Variants in CDH18 observed in about 807,000 individuals in gnomAD.
The protein encoded by CDH18 is cadherin-18.
A neutral mutation model predicts 67.9 loss-of-function variants in CDH18; 31 were observed. The observed-to-expected ratio is 0.46, with a 90% confidence interval of 0.34 to 0.62. The LOEUF (loss-of-function observed/expected upper bound fraction) is 0.62, where lower values mean the gene tolerates loss of function less well. Among genes scored for constraint, CDH18 ranks in the 20% least tolerant of loss-of-function variants. The pLI is 0.01. For missense variants in CDH18, 890 were observed against 975.5 expected, an observed-to-expected ratio of 0.91 and a Z score of 1.17; for synonymous variants, 362 against 347.2, an observed-to-expected ratio of 1.04 and a Z score of -0.48.
chr5:19,500,074 C>CTT (rs201970719), intron 11 of CDH18, among the ~76,000 whole-genome samples: 1 of 143,622 alleles, frequency 7.0e-6, no homozygotes, highest in Admixed American at 7.0e-5. Context: ...TTTCTTCTAG[C>CTT]TTTTTTTTTT....
At chr5:19,493,042 T>C (rs1741724571) in intron 11 of CDH18, among the ~76,000 whole-genome samples, 1 of 152,174 alleles carries the variant, frequency 6.6e-6, no homozygotes, top group African/African-American at 2.4e-5. Flanking sequence ...TGACGCTGCA[T>C]TCTGTCATCT....
intron 9 of CDH18, among the ~76,000 whole-genome samples, chr5:19,539,188 A>C (rs1424095633): frequency 6.6e-6 from 1 of 152,124 alleles, no homozygotes; most frequent in Non-Finnish European, 1.5e-5. Context: ...ATTAAATTAT[A>C]TTTTAGTAAT....
intron 2 of CDH18, among the ~76,000 whole-genome samples, chr5:20,222,381 C>T (rs1741298098): frequency 6.6e-6 from 1 of 152,000 alleles, no homozygotes; most frequent in African/African-American, 2.4e-5. Flanking sequence ...CTTGTACAGA[C>T]AAGAAAAAAC....
intron 2 of CDH18, among the ~76,000 whole-genome samples, chr5:20,221,963 T>C (rs980279815): frequency 2.3e-4 from 35 of 152,160 alleles, no homozygotes; most frequent in African/African-American, 6.5e-4. Context: ...CTCACTAATC[T>C]ACATCTGTGA....
intron 2 of CDH18, among the ~76,000 whole-genome samples, chr5:20,050,123 C>T (rs182171557): frequency 1.3e-5 from 2 of 151,830 alleles, no homozygotes; most frequent in East Asian, 3.9e-4. Flanking sequence ...ATGAGGGTAA[C>T]CCTCCTGACT....
chr5:20,478,443 G>C (rs1320586780), intron 1 of CDH18, among the ~76,000 whole-genome samples: 1 of 152,144 alleles, frequency 6.6e-6, no homozygotes, highest in Non-Finnish European at 1.5e-5. Flanking sequence ...TGGGCCTTGA[G>C]TGAACATGGA....
chr5:19,531,567 C>T (rs1267652602), intron 9 of CDH18, among the ~76,000 whole-genome samples: 1 of 151,898 alleles, frequency 6.6e-6, no homozygotes, highest in Non-Finnish European at 1.5e-5. Flanking sequence ...TTGACAATCC[C>T]ACACCTGGCT....
chr5:19,860,292 T>C (rs1049713598), intron 2 of CDH18, among the ~76,000 whole-genome samples: 1 of 152,150 alleles, frequency 6.6e-6, no homozygotes, highest in African/African-American at 2.4e-5. Flanking sequence ...TGTGATCACT[T>C]TGATGATCAC....
At chr5:19,608,791 T>C (rs1748485321) in intron 6 of CDH18, among the ~76,000 whole-genome samples, 1 of 151,724 alleles carries the variant, frequency 6.6e-6, no homozygotes, top group East Asian at 1.9e-4. Context: ...AAACTGAAGC[T>C]CACTTGTGGC....
chr5:19,761,460 A>G (rs1256468825), intron 3 of CDH18, among the ~76,000 whole-genome samples: 1 of 152,128 alleles, frequency 6.6e-6, no homozygotes, highest in Non-Finnish European at 1.5e-5. Context: ...ATAACTCTCT[A>G]AAGAGTTTCT....
Position 19,874,521 on chromosome 5 carries a change from G to A in CDH18, c.-256-35279C>T, listed in dbSNP as rs1039084972. On this transcript the variant is annotated intron_variant, in intron 2 of 12. Transcript: ENST00000382275. ...AAGATAACAGTGAAATCTCCTTCTC[G>A]ATCCTATAGTCTACATTTAACATCA... is the stretch of plus-strand genomic sequence containing the variant. Among the ~76,000 whole-genome samples, 11 of 151,926 alleles carry A rather than the reference G, an allele frequency of 7.2e-5. No individual in the cohort carries two copies. The East Asian group carries it at 7.7e-4, about 11-fold the overall frequency.
intron 1 of CDH18, among the ~76,000 whole-genome samples, chr5:20,519,371 C>CA (rs913491940): frequency 2.6e-5 from 4 of 151,938 alleles, no homozygotes; most frequent in African/African-American, 4.8e-5. Context: ...ATCGCAAGGA[C>CA]AAAAAACCAA....
intron 6 of CDH18, among the ~76,000 whole-genome samples, chr5:19,605,900 G>A (rs528502283): frequency 6.6e-6 from 1 of 152,094 alleles, no homozygotes; most frequent in African/African-American, 2.4e-5. Context: ...TCAGGTAAGT[G>A]AGGAAAAAAA....
chr5:20,198,132 G>A (rs1319334700), intron 2 of CDH18, among the ~76,000 whole-genome samples: 1 of 152,160 alleles, frequency 6.6e-6, no homozygotes, highest in African/African-American at 2.4e-5. Flanking sequence ...AGCAGTGTGA[G>A]AGTGACTAAT....
At chr5:19,628,862 T>C (rs901702627) in intron 5 of CDH18, among the ~76,000 whole-genome samples, 1 of 151,624 alleles carries the variant, frequency 6.6e-6, no homozygotes, top group South Asian at 2.1e-4. Context: ...AAATACTGGA[T>C]ACTGACACAT....
chr5:19,527,949 T>C (rs921829564), intron 9 of CDH18, among the ~76,000 whole-genome samples: 4 of 151,834 alleles, frequency 2.6e-5, no homozygotes, highest in Admixed American at 1.3e-4. Flanking sequence ...AAATTAAAGC[T>C]GTGCCTTTGC....
At chr5:19,530,811 AT>A (rs1388605958) in intron 9 of CDH18, among the ~76,000 whole-genome samples, 1 of 152,110 alleles carries the variant, frequency 6.6e-6, no homozygotes, top group Non-Finnish European at 1.5e-5. Flanking sequence ...TATGTACCAT[AT>A]TTTCTTAATC....
chr5:19,984,394 G>C (rs900959633), intron 1 of CDH18, among the ~76,000 whole-genome samples: 1 of 151,924 alleles, frequency 6.6e-6, no homozygotes, highest in African/African-American at 2.4e-5. Flanking sequence ...TATGAGGAAG[G>C]ATGGAAATAA....
At chr5:19,598,152 C>T (rs1746471689) in intron 6 of CDH18, among the ~76,000 whole-genome samples, 2 of 152,182 alleles carry the variant, frequency 1.3e-5, no homozygotes, top group Non-Finnish European at 2.9e-5. Context: ...TGTATCACTA[C>T]TTTGCTAATA....
Sources: gnomAD v4.1 joint callset for allele counts (sites outside exome capture counted in the v4.1 genomes callset) on GRCh38, gnomAD v4.1.1 for gene constraint, MANE v1.5 for transcripts, NCBI Gene and HGNC (gene_info 2026-07-23, HGNC 2026-07-21) for gene names.